Variants in AGMO observed in about 807,000 individuals in gnomAD.
The protein encoded by AGMO is alkylglycerol monooxygenase.
A neutral mutation model predicts 60.2 loss-of-function variants in AGMO; 75 were observed. The observed-to-expected ratio is 1.25, with a 90% confidence interval of 1.03 to 1.51. The LOEUF (loss-of-function observed/expected upper bound fraction) is 1.51. Ranked by LOEUF, AGMO falls within the 40% of genes most tolerant of loss-of-function variation. The probability of loss-of-function intolerance (pLI) is 0.00; values close to 1 mark genes in which losing one functional copy is unlikely to be tolerated. For synonymous variants in AGMO, 261 were observed against 177.1 expected, an observed-to-expected ratio of 1.47 and a Z score of -3.76; for missense variants, 763 against 525.5, an observed-to-expected ratio of 1.45 and a Z score of -4.42.
At chr7:15,434,820 G>A (rs1225209449) in intron 3 of AGMO, among the ~76,000 whole-genome samples, 2 of 152,062 alleles carry the variant, frequency 1.3e-5, no homozygotes, top group Non-Finnish European at 2.9e-5. Flanking sequence ...CTTGTTACAA[G>A]CAATAGATAA....
intron 12 of AGMO, among the ~76,000 whole-genome samples, chr7:15,218,944 T>C (rs1231436632): frequency 2.0e-5 from 3 of 152,136 alleles, no homozygotes; most frequent in Non-Finnish European, 2.9e-5. Flanking sequence ...TCAATGACTT[T>C]GAAGGATAAT....
At position 15,238,887 on chromosome 7, in the gene AGMO, T is replaced by C. The variant is rs190771915; in HGVS notation, c.1264-37528A>G. Among the ~76,000 whole-genome samples, 4 of 152,294 alleles carry C rather than the reference T, an allele frequency of 2.6e-5. 1 individual carries two copies. Among genetic ancestry groups the C allele is most frequent in the African/African-American group, 9.6e-5 (4 of 41,574 alleles). On this transcript the variant is annotated intron_variant, in intron 12 of 12. Coordinates refer to ENST00000342526, the MANE Select transcript of AGMO (RefSeq NM_001004320.2). ...GGAAAACATAACTTTTAATAATATG[T>C]ACCCCCATTACTATACACCAGGCGC...
chr7:15,340,442 T>C (rs1280991623), intron 12 of AGMO, among the ~76,000 whole-genome samples: 2 of 152,154 alleles, frequency 1.3e-5, no homozygotes, highest in African/African-American at 4.8e-5. Flanking sequence ...ATAACAAATT[T>C]TGGGCTTCAT....
At chr7:15,401,670 A>G (rs1784555289) in intron 5 of AGMO, among the ~76,000 whole-genome samples, 1 of 152,182 alleles carries the variant, frequency 6.6e-6, no homozygotes. Flanking sequence ...GCATGCATCT[A>G]TGGTTAATTG....
At chr7:15,208,707 T>C (rs1161507092) in intron 12 of AGMO, among the ~76,000 whole-genome samples, 1 of 152,190 alleles carries the variant, frequency 6.6e-6, no homozygotes, top group Non-Finnish European at 1.5e-5. Context: ...TAAAAATTCT[T>C]TAACTTTCTT....
chr7:15,328,019 T>TC (rs1265351101), intron 12 of AGMO, among the ~76,000 whole-genome samples: 1 of 151,950 alleles, frequency 6.6e-6, no homozygotes, highest in African/African-American at 2.4e-5. Flanking sequence ...CAAGCGATCT[T>TC]CCCCCATCAG....
chr7:15,199,447 A>T (rs12670404), downstream of AGMO, among the ~76,000 whole-genome samples: 126 of 152,282 alleles, frequency 8.3e-4, 2 homozygotes, highest in East Asian at 0.023. Context: ...TAATCCTATA[A>T]ATTCACATAT....
intron 12 of AGMO, among the ~76,000 whole-genome samples, chr7:15,206,461 C>T (rs1408438325): frequency 1.3e-5 from 2 of 151,932 alleles, no homozygotes; most frequent in African/African-American, 2.4e-5. Context: ...TATTTCTATA[C>T]CCCATTCAAG....
chr7:15,410,808 T>A (rs2128492282), intron 5 of AGMO, among the ~76,000 whole-genome samples: 1 of 152,146 alleles, frequency 6.6e-6, no homozygotes, highest in East Asian at 1.9e-4. Context: ...TTTGTTACTA[T>A]GACTGTAAAC....
At chr7:15,324,998 T>G (rs1781292799) in intron 12 of AGMO, among the ~76,000 whole-genome samples, 1 of 151,926 alleles carries the variant, frequency 6.6e-6, no homozygotes, top group Non-Finnish European at 1.5e-5. Context: ...AATTAAAAAT[T>G]AAAAAAAAAT....
Position 15,390,877 on chromosome 7 carries a change from ATT to A in AGMO, c.703_704del (p.Asn235LeufsTer10), listed in dbSNP as rs749871045. The A allele has an allele frequency of 5.6e-6, 9 of 1,604,164 alleles. No individual in the cohort carries two copies. In the East Asian group the frequency reaches 1.6e-4, roughly 28 times the overall value. Reference protein sequence around the residue: ...HGRNRYCIDKNYAGVLIIWDK... With the variant: ...HGRNRYCIDKXYAGVLIIWDK... The stretch of plus-strand genomic sequence containing the variant: ...CCCAAATAATAAGAACACCAGCATA[ATT>A]TTTGTCTATGCAATAACGATTTCTG... On this transcript the variant is annotated frameshift_variant, in exon 7 of 13. Coordinates refer to ENST00000342526, the MANE Select transcript of AGMO (RefSeq NM_001004320.2). LOFTEE classifies it high-confidence loss of function.
intron 3 of AGMO, among the ~76,000 whole-genome samples, chr7:15,475,223 C>T (rs780998604): frequency 4.6e-5 from 7 of 152,138 alleles, no homozygotes; most frequent in Non-Finnish European, 8.8e-5. Flanking sequence ...AATCATTCTA[C>T]TATAAATACA....
At chr7:15,292,351 C>T (rs1784287815) in intron 12 of AGMO, among the ~76,000 whole-genome samples, 1 of 152,076 alleles carries the variant, frequency 6.6e-6, no homozygotes, top group South Asian at 2.1e-4. Flanking sequence ...TAATGTGCAG[C>T]CACAACTGAG....
chr7:15,503,922 G>T (rs1355546717), intron 3 of AGMO, among the ~76,000 whole-genome samples: 1 of 151,928 alleles, frequency 6.6e-6, no homozygotes, highest in Non-Finnish European at 1.5e-5. Context: ...AATAAGTAAA[G>T]TAAACATACT....
At chr7:15,215,335 G>A (rs1781705632) in intron 12 of AGMO, among the ~76,000 whole-genome samples, 1 of 152,008 alleles carries the variant, frequency 6.6e-6, no homozygotes, top group Non-Finnish European at 1.5e-5. Context: ...GCACATGTAT[G>A]TGGAAATTTT....
intron 2 of AGMO, among the ~76,000 whole-genome samples, chr7:15,547,848 C>G (rs572236764): frequency 6.6e-6 from 1 of 152,068 alleles, no homozygotes. Flanking sequence ...TCTGTAGGCT[C>G]CACCTCTGGG....
At chr7:15,165,654 G>A in the AGMO span, among the ~76,000 whole-genome samples, 5 of 152,204 alleles carry the variant, frequency 3.3e-5, no homozygotes, top group African/African-American at 4.8e-5. Flanking sequence ...AAGTTTTACT[G>A]TTCCTAGTCT....
At chr7:15,207,815 T>TC (rs1473383138) in intron 12 of AGMO, among the ~76,000 whole-genome samples, 1 of 152,076 alleles carries the variant, frequency 6.6e-6, no homozygotes, top group Non-Finnish European at 1.5e-5. Context: ...GCACCTGTAG[T>TC]CCCAGCTACT....
the AGMO span, among the ~76,000 whole-genome samples, chr7:15,125,550 G>A: frequency 6.6e-6 from 1 of 151,890 alleles, no homozygotes; most frequent in Non-Finnish European, 1.5e-5. Context: ...TCTTCCTGTG[G>A]CAATCCTCTC....
Sources: gnomAD v4.1 joint callset for allele counts (sites outside exome capture counted in the v4.1 genomes callset) on GRCh38, gnomAD v4.1.1 for gene constraint, MANE v1.5 for transcripts, NCBI Gene and HGNC (gene_info 2026-07-23, HGNC 2026-07-21) for gene names.